The following TANC2 variants were observed in gnomAD, a reference collection of about 807,000 sequenced individuals.
The protein encoded by TANC2 is tetratricopeptide repeat, ankyrin repeat and coiled-coil containing 2.
A neutral mutation model predicts 210.5 loss-of-function variants in TANC2; 26 were observed. That is an observed-to-expected ratio of 0.12 (90% confidence interval 0.09 to 0.17). The LOEUF (loss-of-function observed/expected upper bound fraction) is 0.17. Among genes scored for constraint, TANC2 ranks in the 10% least tolerant of loss-of-function variants. The pLI, the probability that TANC2 is intolerant of heterozygous loss-of-function variation, is 1.00. For missense variants in TANC2, 2,129 were observed against 2,608.9 expected (o/e 0.82, Z 4.01); for synonymous variants, 931 against 967.1 (o/e 0.96, Z 0.69).
At position 63,244,942 on chromosome 17, in the gene TANC2, A is replaced by G. The variant is rs142796678; in HGVS notation, c.1033+6865A>G. 1.7e-3 allele frequency among the ~76,000 whole-genome samples: 264 copies of G among 152,308 alleles called. 1 individual carries two copies. The highest frequency in any genetic ancestry group is 6.1e-3 in the African/African-American group (254 of 41,558). On this transcript the variant is annotated intron_variant, in intron 8 of 27. Coordinates refer to ENST00000689528, the Ensembl canonical transcript of TANC2. Reference sequence around the variant, plus strand: ...GACTTGCTCCTCCTTGCCTTCTGCCATGATTGTGAGGCCCCCAGCCATGTG... The same window carrying G: ...GACTTGCTCCTCCTTGCCTTCTGCCGTGATTGTGAGGCCCCCAGCCATGTG...
At chr17:62,984,185 C>A (rs1186539157) in intron 1 of TANC2, among the ~76,000 whole-genome samples, 1 of 151,864 alleles carries the variant, frequency 6.6e-6, no homozygotes, top group African/African-American at 2.4e-5. Context: ...TTGAAGTTTT[C>A]TATTCTTCAT....
chr17:63,168,005 C>T (rs1420778614), intron 5 of TANC2, among the ~76,000 whole-genome samples: 1 of 152,066 alleles, frequency 6.6e-6, no homozygotes, highest in Non-Finnish European at 1.5e-5. Context: ...TAAATACTCC[C>T]CTCTGCAACT....
chr17:62,992,271 A>G (rs2032908822), intron 1 of TANC2, among the ~76,000 whole-genome samples: 1 of 152,182 alleles, frequency 6.6e-6, no homozygotes, highest in Non-Finnish European at 1.5e-5. Flanking sequence ...CCCTATAGCA[A>G]TCTAACTAGA....
At chr17:63,083,715 A>G (rs2036859629) in intron 3 of TANC2, among the ~76,000 whole-genome samples, 1 of 152,158 alleles carries the variant, frequency 6.6e-6, no homozygotes, top group Non-Finnish European at 1.5e-5. Context: ...ATATTGTCAA[A>G]TGCTTTTTAT....
intron 8 of TANC2, among the ~76,000 whole-genome samples, chr17:63,252,272 G>A (rs1055913555): frequency 6.6e-6 from 1 of 151,846 alleles, no homozygotes; most frequent in African/African-American, 2.4e-5. Context: ...TTTATAGGGT[G>A]GGTGAGATAT....
chr17:63,170,152 G>A (rs1009036462), intron 5 of TANC2, among the ~76,000 whole-genome samples: 6 of 150,862 alleles, frequency 4.0e-5, no homozygotes, highest in Non-Finnish European at 7.4e-5. Flanking sequence ...TATTGGCGGG[G>A]CATGGTGGCT....
intron 1 of TANC2, among the ~76,000 whole-genome samples, chr17:62,971,927 T>C (rs182403308): frequency 6.6e-6 from 1 of 152,318 alleles, no homozygotes; most frequent in Admixed American, 6.5e-5. Context: ...AAAAATTGTC[T>C]GGAAAAACGT....
intron 9 of TANC2, among the ~76,000 whole-genome samples, chr17:63,272,321 GT>G (rs905029691): frequency 2.0e-5 from 3 of 152,088 alleles, no homozygotes; most frequent in African/African-American, 7.2e-5. Context: ...CTATGCGTCT[GT>G]TTGTACCAGT....
chr17:63,200,357 A>C (rs1375093632), intron 6 of TANC2, among the ~76,000 whole-genome samples: 3 of 692 alleles, frequency 4.3e-3, no homozygotes, highest in Admixed American at 0.023. Flanking sequence ...CTCTGTCTCA[A>C]AAAAAAAAAA....
chr17:63,395,971 G>C (rs755646299), intron 18 of TANC2, 43 bp downstream of exon 18: 20 of 1,524,956 alleles, frequency 1.3e-5, no homozygotes, highest in Non-Finnish European at 1.6e-5. Context: ...GCTCTGTATT[G>C]AAGGACCCAG....
intron 2 of TANC2, among the ~76,000 whole-genome samples, chr17:63,068,713 T>C (rs766462735): frequency 6.6e-6 from 1 of 152,086 alleles, no homozygotes; most frequent in Non-Finnish European, 1.5e-5. Flanking sequence ...AGTATAAACA[T>C]TTGTGGAGGC....
rs141918849 is a variant in TANC2 at position 63,194,836 on chromosome 17, ATATTT to A, written c.582+701_582+705del. ...GTTAAAAAAATCTACAATTTAAAAA[ATATTT>A]TATAGTTTTCTTTCTTTTTGCTATT... On this transcript the variant is annotated intron_variant, in intron 6 of 27. Coordinates refer to ENST00000689528, the Ensembl canonical transcript of TANC2. Among the ~76,000 whole-genome samples the A allele has an allele frequency of 3.6e-3, 553 of 152,208 alleles. 6 individuals carry two copies. The highest frequency in any genetic ancestry group is 0.013 in the African/African-American group (542 of 41,550).
chr17:63,129,012 G>T (rs981609007), intron 4 of TANC2, among the ~76,000 whole-genome samples: 2 of 152,118 alleles, frequency 1.3e-5, no homozygotes, highest in East Asian at 3.9e-4. Context: ...GCCAGACTTT[G>T]TGGGGTTTTT....
chr17:63,293,262 A>G (rs1007834004), intron 9 of TANC2, among the ~76,000 whole-genome samples: 3 of 152,198 alleles, frequency 2.0e-5, no homozygotes, highest in African/African-American at 7.2e-5. Context: ...TTAAGAAAAA[A>G]TAAGTGTGTG....
chr17:63,334,188 T>C (rs527558492), intron 11 of TANC2: 99 of 152,310 alleles, frequency 6.5e-4, no homozygotes, highest in African/African-American at 2.2e-3. Flanking sequence ...ATCTTTTTTC[T>C]TAATATCATT....
At chr17:63,138,366 G>C (rs1428576038) in intron 4 of TANC2, among the ~76,000 whole-genome samples, 6 of 152,210 alleles carry the variant, frequency 3.9e-5, no homozygotes, top group Non-Finnish European at 8.8e-5. Flanking sequence ...TGTAACTGTA[G>C]TGATACATCT....
At chr17:63,034,145 A>T (rs1323868427) in intron 2 of TANC2, among the ~76,000 whole-genome samples, 1 of 152,188 alleles carries the variant, frequency 6.6e-6, no homozygotes, top group African/African-American at 2.4e-5. Flanking sequence ...GTTGCTAGAG[A>T]GAAGTCAGTG....
intron 2 of TANC2, among the ~76,000 whole-genome samples, chr17:63,039,895 CAT>C (rs1157445118): frequency 7.9e-5 from 12 of 151,810 alleles, no homozygotes; most frequent in East Asian, 1.9e-4. Flanking sequence ...TTATACTAAA[CAT>C]GTGTAATGTG....
intron 22 of TANC2, 133 bp downstream of exon 22, chr17:63,411,819 A>T (rs2048711757): frequency 7.1e-7 from 1 of 1,409,518 alleles, no homozygotes. Context: ...CTTGCTAGAG[A>T]GCAAGAATAT....
Sources: allele counts gnomAD v4.1 joint callset (sites outside exome capture counted in the v4.1 genomes callset), GRCh38; gene constraint gnomAD v4.1.1; transcripts MANE v1.5; gene names NCBI Gene and HGNC (gene_info 2026-07-23, HGNC 2026-07-21).